Variants in UBR2 observed in about 807,000 individuals in gnomAD.
UBR2 encodes E3 ubiquitin-protein ligase UBR2.
A neutral mutation model predicts 247.9 loss-of-function variants in UBR2; 92 were observed. The ratio of observed to expected loss-of-function variants is 0.37; its 90% CI spans 0.31 to 0.44. The LOEUF (loss-of-function observed/expected upper bound fraction) is 0.44. Among genes scored for constraint, UBR2 ranks in the 20% least tolerant of loss-of-function variants. The pLI is 1.00. For synonymous variants in UBR2, 672 were observed against 693.5 expected (o/e 0.97, Z 0.49); for missense variants, 1,613 against 2,112.6 (o/e 0.76, Z 4.64).
chr6:42,569,448 A>C (rs977851827), intron 1 of UBR2, among the ~76,000 whole-genome samples: 1 of 152,088 alleles, frequency 6.6e-6, no homozygotes, highest in African/African-American at 2.4e-5. Flanking sequence ...GGCCATTTTT[A>C]TGTCTTCTTT....
intron 4 of UBR2, 55 bp from the exon 5 acceptor site, chr6:42,603,533 A>G: frequency 7.0e-7 from 1 of 1,436,402 alleles, no homozygotes; most frequent in South Asian, 1.5e-5. Flanking sequence ...AATGAAAATT[A>G]ATGTACATGA....
Position 42,670,817 on chromosome 6 carries a change from C to T in UBR2, c.4086+102C>T, listed in dbSNP as rs1798380724. On this transcript the variant is annotated intron_variant, in intron 36 of 46. Coordinates refer to ENST00000372901, the MANE Select transcript of UBR2 (RefSeq NM_001363705.2). ...CCTGCAGTAGTTACTTACACCTTCA[C>T]TTCTTTCGTAGTAAAAACCCATTTT... The T allele has an allele frequency of 7.3e-6, 6 of 821,534 alleles. No individual in the cohort carries two copies. The Admixed American group carries it at 1.6e-4, about 22-fold the overall frequency. 50.9% of individuals were successfully genotyped at this position (821,534 alleles called of 1,614,324 possible).
rs1195740219 is a variant in UBR2, at chr6:42,693,193, C to CT, written c.*2021dup. 6.6e-6 allele frequency: 1 copy of CT among 152,188 alleles called. No homozygotes were observed. The highest frequency in any genetic ancestry group is 2.4e-5 in the African/African-American group (1 of 41,426). 9.4% of individuals were successfully genotyped at this position (152,188 alleles called of 1,614,324 possible). ...AAAGGTTGTCTCTGGATTTCATTCT[C>CT]TGAGAATATCACAGAGCCTGGGAGA... On this transcript the variant is annotated 3_prime_UTR_variant, in exon 47 of 47. Transcript: ENST00000372901.
At chr6:42,619,270 G>T (rs529481897) in intron 11 of UBR2, among the ~76,000 whole-genome samples, 2 of 151,012 alleles carry the variant, frequency 1.3e-5, no homozygotes, top group South Asian at 4.2e-4. Flanking sequence ...TGACTGAAAA[G>T]ACCTTATATT....
chr6:42,567,387 T>G (rs1790843366), intron 1 of UBR2, among the ~76,000 whole-genome samples: 1 of 152,240 alleles, frequency 6.6e-6, no homozygotes, highest in African/African-American at 2.4e-5. Context: ...CTCTGTTTAC[T>G]TTCTATACTA....
intron 1 of UBR2, among the ~76,000 whole-genome samples, chr6:42,571,303 A>G (rs1791123373): frequency 6.6e-6 from 1 of 151,652 alleles, no homozygotes; most frequent in African/African-American, 2.4e-5. Flanking sequence ...TCTTGTATTA[A>G]AATTTTGCAA....
Position 42,635,545 on chromosome 6 carries a change from A to G in UBR2, c.1673A>G (p.Asp558Gly). The change falls in exon 14 of 47, where the codon GAT becomes GGT. Residue 558 changes from aspartate to glycine, a missense_variant and splice_region_variant. Physicochemically the swap from Asp to Gly is moderately conservative, Grantham distance 94. Transcript: ENST00000372901. ...ATGATGCAGGACTGGTGTGCTTCAG[A>G]TGTGAGTTTCTTCTGGGTGCGGGGA... ...ISMMQDWCAS[D>G]EKVLIEAYKK... The G allele has an allele frequency of 6.2e-7, 1 of 1,604,200 alleles. No individual in the cohort carries two copies. The highest frequency in any genetic ancestry group is 8.5e-7 in the Non-Finnish European group (1 of 1,172,104).
In UBR2 at chr6:42,632,866, G is replaced by C. The variant is rs1390967718; in HGVS notation, c.1507G>C (p.Gly503Arg). Residue 503 changes from glycine (G) to arginine (R), a missense_variant, in exon 13 of 47, where the codon GGG (glycine) becomes CGG (arginine). This residue lies in a region of UBR2 where 1,524 missense variants were observed against 1,967.3 expected (regional missense o/e 0.77). Coordinates refer to ENST00000372901, the MANE Select transcript of UBR2 (RefSeq NM_001363705.2). Reference protein sequence around the residue: ...SDELRQKFLEGFDAFLELLKC... With the variant: ...SDELRQKFLERFDAFLELLKC... ...TGAGCTGAGGCAGAAGTTCCTAGAA[G>C]GGTTTGATGCCTTTTTGGAATTACT... is the stretch of plus-strand genomic sequence containing the variant. 6.2e-7 allele frequency: 1 copy of C among 1,602,308 alleles called. No homozygotes were observed. The highest frequency in any genetic ancestry group is 8.5e-7 in the Non-Finnish European group (1 of 1,176,448).
chr6:42,655,704 C>G lies in UBR2; in HGVS notation c.2853C>G (p.Thr951=), dbSNP rs772177390. The G allele has an allele frequency of 2.6e-6, 4 of 1,544,510 alleles. No individual in the cohort carries two copies. The highest frequency in any genetic ancestry group is 3.5e-6 in the Non-Finnish European group (4 of 1,156,078). ...NVTEEHVVTF[T]FTQKISKPGE... is the part of the protein sequence containing the mutation. ...CGGAAGAGCATGTAGTAACATTTAC[C>G]TTCACTCAGAAGATATCAAGTATGT... The change falls in exon 26 of 47, where the codon ACC becomes ACG. Residue 951 remains threonine, a synonymous_variant. Coordinates refer to ENST00000372901, the MANE Select transcript of UBR2 (RefSeq NM_001363705.2).
chr6:42,686,653 G>A (rs1008873717), intron 44 of UBR2, among the ~76,000 whole-genome samples: 1 of 152,114 alleles, frequency 6.6e-6, no homozygotes, highest in African/African-American at 2.4e-5. Flanking sequence ...AGACGGGGCA[G>A]CCGGGCAGAG....
chr6:42,602,761 C>T (rs61300688), intron 4 of UBR2, among the ~76,000 whole-genome samples: 2,337 of 145,550 alleles, frequency 0.016, 54 homozygotes, highest in African/African-American at 0.057. Context: ...GCTGTGTGTG[C>T]GTGTGTGTGT....
At chr6:42,645,676 C>T in intron 21 of UBR2, 86 bp downstream of exon 21, 1 of 1,373,908 alleles carries the variant, frequency 7.3e-7, no homozygotes, top group Non-Finnish European at 1.0e-6. Context: ...TTCTGTATAC[C>T]TTTCTCACAA....
intron 34 of UBR2, among the ~76,000 whole-genome samples, chr6:42,668,745 T>TA (rs1300884112): frequency 6.9e-6 from 1 of 145,614 alleles, no homozygotes; most frequent in Admixed American, 6.7e-5. Context: ...CTCAGCCTCA[T>TA]TTTTTTTAAC....
At chr6:42,589,981 G>T (rs1405424633) in intron 2 of UBR2, among the ~76,000 whole-genome samples, 2 of 152,086 alleles carry the variant, frequency 1.3e-5, no homozygotes, top group Non-Finnish European at 2.9e-5. Flanking sequence ...CTTGAGGTTT[G>T]TTTTTAGCCA....
At chr6:42,688,174 A>G in intron 44 of UBR2, 42 bp from the exon 45 acceptor site, 2 of 1,613,478 alleles carry the variant, frequency 1.2e-6, no homozygotes, top group Middle Eastern at 3.3e-4. Flanking sequence ...CTCTTTAGCC[A>G]CTCTTTAGAT....
Position 42,688,350 on chromosome 6 carries a change from C to T in UBR2, c.4988C>T (p.Thr1663Ile), listed in dbSNP as rs762392554. ...GEDVGACTAH[T>I]YSCGSGVGIF... ...GATGTAGGAGCCTGCACAGCTCACA[C>T]CTACTCCTGTGGCTCTGGAGTGGGC... Residue 1663 changes from threonine to isoleucine, a missense_variant, in exon 45 of 47, where the codon ACC (threonine) becomes ATC (isoleucine). Around this residue, in one of 3 missense-constraint regions of UBR2, gnomAD observed 9 missense variants for 36.8 expected, o/e 0.24. Transcript: ENST00000372901. 1.9e-6 allele frequency: 3 copies of T among 1,613,628 alleles called. No homozygotes were observed. Among genetic ancestry groups the T allele is most frequent in the African/African-American group, 2.7e-5 (2 of 74,896 alleles).
chr6:42,617,767 G>A (rs2151940887), intron 11 of UBR2, among the ~76,000 whole-genome samples: 1 of 152,264 alleles, frequency 6.6e-6, no homozygotes, highest in Non-Finnish European at 1.5e-5. Context: ...ATTTTTCATA[G>A]TACTTCCCTG....
chr6:42,634,124 T>C lies in UBR2; in HGVS notation c.1545+1220T>C, dbSNP rs147127409. On this transcript the variant is annotated intron_variant, in intron 13 of 46. Coordinates refer to ENST00000372901, the MANE Select transcript of UBR2 (RefSeq NM_001363705.2). ...CTTTCTTGGAAGTATAGTCAAGTTA[T>C]TTGAGAAACTGTAGTGGTTTTTGAT... 73 of 170,812 alleles carry C rather than the reference T, an allele frequency of 4.3e-4. 2 individuals are homozygous for C. The East Asian group carries it at 0.013, about 30-fold the overall frequency. 10.6% of individuals were successfully genotyped at this position (170,812 alleles called of 1,614,324 possible). A position where few individuals can be genotyped will look rare whatever the true frequency, so the allele number is the denominator to read the frequency against.
chr6:42,606,647 TTG>T lies in UBR2; in HGVS notation c.863_864del (p.Val288GlufsTer5). On this transcript the variant is annotated frameshift_variant and splice_region_variant, in exon 7 of 47. Transcript: ENST00000372901. LOFTEE classifies it high-confidence loss of function. ...TATTGTGAGCAAGCAAAATCAGTAA[TTG>T]TGGTAAGTAATTTAAAAACATGCTT... 1 of 1,602,504 alleles carries T rather than the reference TTG, an allele frequency of 6.2e-7. No homozygotes were observed. The highest frequency in any genetic ancestry group is 8.5e-7 in the Non-Finnish European group (1 of 1,175,306).
Sources: allele counts gnomAD v4.1 joint callset (sites outside exome capture counted in the v4.1 genomes callset), GRCh38; gene constraint gnomAD v4.1.1; regional missense constraint gnomAD v4.1.1; transcripts MANE v1.5; gene names NCBI Gene and HGNC (gene_info 2026-07-23, HGNC 2026-07-21).